Variants in NEGR1 observed in about 807,000 individuals in gnomAD.
NEGR1 encodes the protein neuronal growth regulator 1, also known as IgLON family member 4.
NEGR1 carries 10 observed loss-of-function variants against 40.9 expected under a neutral mutation model. The observed-to-expected ratio is 0.24, with a 90% CI of 0.15 to 0.42. NEGR1 has a LOEUF of 0.42. Ranked by LOEUF, NEGR1 falls within the 10% of genes least tolerant of loss-of-function variation. NEGR1 has a pLI of 1.00. For missense variants in NEGR1, 352 were observed against 438.9 expected, an observed-to-expected ratio of 0.80 and a Z score of 1.77; for synonymous variants, 185 against 166.8, an observed-to-expected ratio of 1.11 and a Z score of -0.84.
intron 1 of NEGR1, among the ~76,000 whole-genome samples, chr1:72,241,249 T>G (rs183807985): frequency 6.6e-6 from 1 of 151,788 alleles, no homozygotes; most frequent in Non-Finnish European, 1.5e-5. Flanking sequence ...AGAACTTCTC[T>G]TATTTGTTTT....
intron 2 of NEGR1, among the ~76,000 whole-genome samples, chr1:71,780,583 T>C (rs1279814232): frequency 2.0e-5 from 3 of 152,182 alleles, no homozygotes; most frequent in South Asian, 2.1e-4. Context: ...GATTTAAAGA[T>C]TGTGTTGGGT....
chr1:72,184,110 A>C (rs1212147412), intron 1 of NEGR1, among the ~76,000 whole-genome samples: 1 of 152,156 alleles, frequency 6.6e-6, no homozygotes, highest in Non-Finnish European at 1.5e-5. Flanking sequence ...CCTTCTCTGC[A>C]GAATCCCAGA....
At chr1:71,695,406 C>G (rs890065944) in intron 4 of NEGR1, among the ~76,000 whole-genome samples, 1 of 151,642 alleles carries the variant, frequency 6.6e-6, no homozygotes, top group Middle Eastern at 3.2e-3. Context: ...AATATTATGT[C>G]TGCAGCAATA....
intron 1 of NEGR1, among the ~76,000 whole-genome samples, chr1:72,011,996 A>G (rs1449328440): frequency 6.6e-6 from 1 of 152,086 alleles, no homozygotes; most frequent in African/African-American, 2.4e-5. Flanking sequence ...CAGGAGTTAC[A>G]CCGAAGACAA....
chr1:71,849,739 C>A lies in NEGR1; in HGVS notation c.410-73442G>T, dbSNP rs1570429332. Among the ~76,000 whole-genome samples, 9 of 152,250 alleles carry A rather than the reference C, an allele frequency of 5.9e-5. No individual in the cohort carries two copies. The South Asian group carries it at 1.9e-3, about 32-fold the overall frequency. ...CAGTCACCCCAACCTTCAGCAACCA[C>A]CCCCCATCAACATGGAGGCAAGATC... On this transcript the variant is annotated intron_variant, in intron 2 of 6. Transcript: ENST00000357731.
At chr1:71,992,238 T>C (rs544523189) in intron 1 of NEGR1, among the ~76,000 whole-genome samples, 1 of 152,270 alleles carries the variant, frequency 6.6e-6, no homozygotes, top group Non-Finnish European at 1.5e-5. Context: ...TTTTAGCATA[T>C]AAATTAAATT....
intron 1 of NEGR1, among the ~76,000 whole-genome samples, chr1:72,055,148 C>A (rs1036370572): frequency 6.6e-6 from 1 of 150,986 alleles, no homozygotes; most frequent in Non-Finnish European, 1.5e-5. Flanking sequence ...AATACTGATG[C>A]CAAATACTAT....
chr1:71,503,050 C>T (rs1647009504), intron 6 of NEGR1, among the ~76,000 whole-genome samples: 1 of 152,196 alleles, frequency 6.6e-6, no homozygotes, highest in Admixed American at 6.5e-5. Context: ...AAGAGACTCT[C>T]TCTGACATTC....
At chr1:71,875,102 C>T (rs1660387721) in intron 2 of NEGR1, among the ~76,000 whole-genome samples, 1 of 152,144 alleles carries the variant, frequency 6.6e-6, no homozygotes, top group Non-Finnish European at 1.5e-5. Flanking sequence ...CCATCTCAGC[C>T]TTTCAAAGTG....
At chr1:71,973,294 C>G (rs1302517177) in intron 1 of NEGR1, among the ~76,000 whole-genome samples, 2 of 143,042 alleles carry the variant, frequency 1.4e-5, no homozygotes, top group Middle Eastern at 3.7e-3. Flanking sequence ...CCAGCCTGGG[C>G]GACAGAGCGA....
intron 4 of NEGR1, among the ~76,000 whole-genome samples, chr1:71,642,749 A>G (rs1020277379): frequency 4.6e-5 from 7 of 151,974 alleles, no homozygotes; most frequent in African/African-American, 1.4e-4. Flanking sequence ...TTTCTTTGGT[A>G]TTTGGTATCT....
chr1:71,703,942 A>C (rs2101634960), intron 3 of NEGR1, among the ~76,000 whole-genome samples: 1 of 152,090 alleles, frequency 6.6e-6, no homozygotes, highest in East Asian at 1.9e-4. Context: ...CAAATATAAG[A>C]GGTTAATCAT....
rs550817963 is a variant in NEGR1 at position 71,607,042 on chromosome 1, C to T, written c.788+3984G>A. On this transcript the variant is annotated intron_variant, in intron 5 of 6. Coordinates refer to ENST00000357731, the MANE Select transcript of NEGR1 (RefSeq NM_173808.3). ...TTCTCTTACATAGAAGTAAAGCGAT[C>T]GTATAAGTTATTTCTGATTATTTAT... 2.6e-4 allele frequency among the ~76,000 whole-genome samples: 40 copies of T among 152,114 alleles called. 1 individual carries two copies. The South Asian group carries it at 7.3e-3, about 28-fold the overall frequency.
intron 1 of NEGR1, among the ~76,000 whole-genome samples, chr1:72,250,215 A>G (rs1038837662): frequency 2.0e-5 from 3 of 152,080 alleles, no homozygotes; most frequent in African/African-American, 7.2e-5. Flanking sequence ...GTCCCACAGT[A>G]TCATAAGACA....
chr1:71,456,935 G>A (rs1436626497), intron 6 of NEGR1, among the ~76,000 whole-genome samples: 1 of 152,146 alleles, frequency 6.6e-6, no homozygotes, highest in Non-Finnish European at 1.5e-5. Flanking sequence ...CAGTTTGCCT[G>A]GGACTTTACT....
chr1:71,848,114 A>T (rs1354085739), intron 2 of NEGR1, among the ~76,000 whole-genome samples: 2 of 152,198 alleles, frequency 1.3e-5, no homozygotes, highest in African/African-American at 4.8e-5. Flanking sequence ...ATGAATGCTG[A>T]GAAAGGTGAG....
At chr1:71,973,809 C>T (rs1435979075) in intron 1 of NEGR1, among the ~76,000 whole-genome samples, 3 of 152,162 alleles carry the variant, frequency 2.0e-5, no homozygotes, top group Non-Finnish European at 4.4e-5. Context: ...AAAAAGGCTG[C>T]CTGGCTTCAG....
intron 6 of NEGR1, among the ~76,000 whole-genome samples, chr1:71,589,854 C>G (rs1649439921): frequency 6.6e-6 from 1 of 152,064 alleles, no homozygotes; most frequent in Non-Finnish European, 1.5e-5. Context: ...TGTTAAAATC[C>G]TTCCGTAACT....
At chr1:72,122,607 T>G (rs1192983293) in intron 1 of NEGR1, among the ~76,000 whole-genome samples, 1 of 151,920 alleles carries the variant, frequency 6.6e-6, no homozygotes, top group African/African-American at 2.4e-5. Flanking sequence ...ATTACATAAA[T>G]AAGGGATTCA....
Sources: gnomAD v4.1 joint callset for allele counts (sites outside exome capture counted in the v4.1 genomes callset) on GRCh38, gnomAD v4.1.1 for gene constraint, MANE v1.5 for transcripts, NCBI Gene and HGNC (gene_info 2026-07-23, HGNC 2026-07-21) for gene names.